The following HIBCH variants were observed in gnomAD, a reference collection of about 807,000 sequenced individuals.
The protein encoded by HIBCH is 3-hydroxyisobutyryl-CoA hydrolase.
A neutral mutation model predicts 58.2 loss-of-function variants in HIBCH; 50 were observed. The ratio of observed to expected loss-of-function variants is 0.86; its 90% CI spans 0.68 to 1.09. The LOEUF is 1.09. HIBCH is among the 50% of genes least tolerant of loss of function. The pLI, the probability that HIBCH is intolerant of heterozygous loss-of-function variation, is 0.00. For synonymous variants in HIBCH, 151 were observed against 146.9 expected, an observed-to-expected ratio of 1.03 and a Z score of -0.20; for missense variants, 450 against 449.7, an observed-to-expected ratio of 1.00 and a Z score of -0.01.
intron 2 of HIBCH, among the ~76,000 whole-genome samples, chr2:190,305,101 G>T (rs1199113674): frequency 1.3e-5 from 2 of 152,144 alleles, no homozygotes; most frequent in Non-Finnish European, 2.9e-5. Flanking sequence ...GAGGCAAAAT[G>T]CGGTGGTTGA....
chr2:190,244,533 G>A (rs1686550899), intron 11 of HIBCH, among the ~76,000 whole-genome samples: 1 of 152,116 alleles, frequency 6.6e-6, no homozygotes, highest in South Asian at 2.1e-4. Context: ...GTATCATAAG[G>A]TGACTAATCT....
chr2:190,197,227 A>G lies in HIBCH; in HGVS notation c.*18-7230T>C, dbSNP rs974235373. On this transcript the variant is annotated intron_variant, in intron 1 of 1. Coordinates refer to the HIBCH transcript ENST00000399855. This position sits in a 1 kb window ranked among gnomAD's most constrained non-coding sequence, Gnocchi z 4.0. Reference sequence around the variant, plus strand: ...CACAAGCCTAAGTCATAGCCCTTTAAGAAAACACTTGCCAAACCTTGTTTA... The same window carrying G: ...CACAAGCCTAAGTCATAGCCCTTTAGGAAAACACTTGCCAAACCTTGTTTA... 6.6e-6 allele frequency among the ~76,000 whole-genome samples: 1 copy of G among 152,224 alleles called. No individual in the cohort carries two copies. The highest frequency in any genetic ancestry group is 2.1e-4 in the South Asian group (1 of 4,828).
intron 9 of HIBCH, among the ~76,000 whole-genome samples, 193 bp from the exon 10 acceptor site, chr2:190,246,405 A>G (rs555595156): frequency 6.6e-6 from 1 of 152,264 alleles, no homozygotes; most frequent in Admixed American, 6.5e-5. Flanking sequence ...ACTAGCTCTT[A>G]AAAGTATCAA....
chr2:190,225,400 A>C (rs571746736), intron 11 of HIBCH, among the ~76,000 whole-genome samples: 1 of 152,360 alleles, frequency 6.6e-6, no homozygotes, highest in African/African-American at 2.4e-5. Flanking sequence ...AAAAGATTAA[A>C]GAATCAAATA....
At chr2:190,199,750 C>A, downstream of HIBCH, 1 of 1,521,340 alleles carries the variant, frequency 6.6e-7, no homozygotes. Context: ...CTGAAGTGCC[C>A]TGGAGAGGGA....
intron 11 of HIBCH, among the ~76,000 whole-genome samples, chr2:190,241,256 TA>T (rs1686446639): frequency 6.6e-6 from 1 of 152,228 alleles, no homozygotes; most frequent in Admixed American, 6.5e-5. Context: ...GCTTTTGGTT[TA>T]AAGTCTGTTT....
At chr2:190,240,580 G>C (rs768807007) in intron 11 of HIBCH, among the ~76,000 whole-genome samples, 3 of 152,066 alleles carry the variant, frequency 2.0e-5, no homozygotes, top group African/African-American at 7.2e-5. Flanking sequence ...TGTGATGTAA[G>C]GGTGTCAATT....
Position 190,294,490 on chromosome 2 carries a change from C to T in HIBCH, c.304+56G>A, listed in dbSNP as rs563176519. 2.0e-5 allele frequency: 22 copies of T among 1,105,554 alleles called. No homozygotes were observed. The East Asian group carries it at 3.1e-4, about 15-fold the overall frequency. 68.5% of individuals were successfully genotyped at this position (1,105,554 alleles called of 1,614,324 possible). On this transcript the variant is annotated intron_variant, in intron 4 of 13. Coordinates refer to ENST00000359678, the MANE Select transcript of HIBCH (RefSeq NM_014362.4). ...AAATTATTACAAAAATTTGACAATACTTGATCAGTTCTAGTAGGGGGAAAG... is the reference window on the plus strand; with the variant it reads ...AAATTATTACAAAAATTTGACAATATTTGATCAGTTCTAGTAGGGGGAAAG...
intron 2 of HIBCH, among the ~76,000 whole-genome samples, chr2:190,301,289 TAA>T (rs1330698649): frequency 1.3e-5 from 2 of 152,134 alleles, no homozygotes; most frequent in African/African-American, 2.4e-5. Context: ...AGGTCTATGA[TAA>T]AGTCTCATTC....
chr2:190,266,494 C>T (rs1349309066), intron 6 of HIBCH, among the ~76,000 whole-genome samples: 2 of 152,110 alleles, frequency 1.3e-5, no homozygotes, highest in African/African-American at 4.8e-5. Flanking sequence ...AGTGCAGTGG[C>T]GTGACCTTTA....
chr2:190,246,800 G>A (rs1204665873), intron 9 of HIBCH, among the ~76,000 whole-genome samples: 1 of 152,206 alleles, frequency 6.6e-6, no homozygotes, highest in African/African-American at 2.4e-5. Context: ...TCATGGACAA[G>A]TTCCAGTTTA....
intron 6 of HIBCH, among the ~76,000 whole-genome samples, chr2:190,274,540 A>G (rs1161618185): frequency 6.6e-6 from 1 of 152,148 alleles, no homozygotes; most frequent in Non-Finnish European, 1.5e-5. Context: ...TTTAAAACTT[A>G]ATTTTCTATT....
intron 11 of HIBCH, among the ~76,000 whole-genome samples, chr2:190,218,045 A>G (rs1423652711): frequency 1.3e-5 from 2 of 152,138 alleles, no homozygotes; most frequent in Non-Finnish European, 2.9e-5. Context: ...AAAGTAGGAA[A>G]TATCTAATCA....
intron 8 of HIBCH, chr2:190,250,605 A>G (rs111310935): frequency 3.7e-4 from 73 of 196,910 alleles, no homozygotes; most frequent in African/African-American, 1.4e-3. Context: ...CAGACAGGAT[A>G]ATCACATGCC....
chr2:190,199,311 C>CA, downstream of HIBCH, among the ~76,000 whole-genome samples: 1 of 152,266 alleles, frequency 6.6e-6, no homozygotes, highest in East Asian at 1.9e-4. Flanking sequence ...TGAACGCAGC[C>CA]ATGGACACAT....
chr2:190,193,603 C>A (rs1689820818), intron 1 of HIBCH, among the ~76,000 whole-genome samples: 1 of 151,910 alleles, frequency 6.6e-6, no homozygotes, highest in Non-Finnish European at 1.5e-5. Flanking sequence ...TTTTCTTGTG[C>A]CAATTTTGGT....
At position 190,216,440 on chromosome 2, in the gene HIBCH, G is replaced by C. The variant is rs1685537760; in HGVS notation, c.892-3365C>G. On this transcript the variant is annotated intron_variant, in intron 11 of 13. Transcript: ENST00000359678. This position sits in a 1 kb window ranked among gnomAD's most constrained non-coding sequence, Gnocchi z 4.2. ...TCCACCACGGGCAGCTGTCAGTAAG[G>C]CTGCAGAAGGTCTGGGGGGCTATAT... Among the ~76,000 whole-genome samples the C allele has an allele frequency of 6.6e-6, 1 of 152,182 alleles. No homozygotes were observed. The highest frequency in any genetic ancestry group is 6.5e-5 in the Admixed American group (1 of 15,272).
chr2:190,311,081 A>G (rs1357122251), intron 1 of HIBCH: 2 of 572,222 alleles, frequency 3.5e-6, no homozygotes, highest in Non-Finnish European at 6.4e-6. Context: ...ACCATATAAA[A>G]TATTATTCAG....
rs1256173088 is a variant in HIBCH at position 190,304,943 on chromosome 2, G to T, written c.78+5811C>A. 6.8e-6 allele frequency among the ~76,000 whole-genome samples: 1 copy of T among 147,610 alleles called. No homozygotes were observed. The highest frequency in any genetic ancestry group is 1.5e-5 in the Non-Finnish European group (1 of 66,936). On this transcript the variant is annotated intron_variant, in intron 2 of 13. Coordinates refer to ENST00000359678, the MANE Select transcript of HIBCH (RefSeq NM_014362.4). The surrounding 1 kb of genome is among the most constrained non-coding windows in gnomAD (Gnocchi z 4.1). Reference sequence around the variant, plus strand: ...TAGTAAAAAAAGTGTTAGAATTGAAGCACAAAAAATCCTGGGTTCTAGCCT... The same window carrying T: ...TAGTAAAAAAAGTGTTAGAATTGAATCACAAAAAATCCTGGGTTCTAGCCT...
Sources: gnomAD v4.1 joint callset for allele counts (sites outside exome capture counted in the v4.1 genomes callset) on GRCh38, gnomAD v4.1.1 for gene constraint, Gnocchi (gnomAD v3.1) non-coding constraint, MANE v1.5 for transcripts, NCBI Gene and HGNC (gene_info 2026-07-23, HGNC 2026-07-21) for gene names.